CNTNAP2: variants seen among roughly 807,000 people sequenced by gnomAD.
The protein encoded by CNTNAP2 is contactin associated protein 2, also known as contactin-associated protein-like 2.
A neutral mutation model predicts 155.2 loss-of-function variants in CNTNAP2; 98 were observed. The observed-to-expected ratio is 0.63, with a 90% CI of 0.54 to 0.75. The LOEUF is 0.75. CNTNAP2 is among the 30% of genes least tolerant of loss of function. The pLI is 0.00. For missense variants in CNTNAP2, 1,727 were observed against 1,688.1 expected, an observed-to-expected ratio of 1.02 and a Z score of -0.40; for synonymous variants, 651 against 631.2, an observed-to-expected ratio of 1.03 and a Z score of -0.47.
chr7:146,252,888 TGA>T (rs1441444066), intron 1 of CNTNAP2, among the ~76,000 whole-genome samples: 1 of 110,838 alleles, frequency 9.0e-6, no homozygotes, highest in African/African-American at 8.3e-5. Context: ...CTCATCGTAA[TGA>T]TAATAATGAG....
chr7:147,864,789 T>G (rs1799198944), intron 13 of CNTNAP2, among the ~76,000 whole-genome samples: 1 of 152,216 alleles, frequency 6.6e-6, no homozygotes, highest in African/African-American at 2.4e-5. Context: ...ATCCTGAGAC[T>G]TTGCTGAAGT....
At chr7:147,863,864 C>T (rs1300017260) in intron 13 of CNTNAP2, among the ~76,000 whole-genome samples, 1 of 151,860 alleles carries the variant, frequency 6.6e-6, no homozygotes, top group Admixed American at 6.6e-5. Flanking sequence ...AAATTTTCTC[C>T]CATTCTGTAG....
intron 4 of CNTNAP2, among the ~76,000 whole-genome samples, chr7:147,069,632 A>G (rs1158638938): frequency 6.6e-6 from 1 of 152,218 alleles, no homozygotes; most frequent in Non-Finnish European, 1.5e-5. Context: ...TTTACGTAAC[A>G]TAGAGATTGA....
At chr7:147,626,339 A>T (rs1473657615) in intron 12 of CNTNAP2, among the ~76,000 whole-genome samples, 1 of 150,276 alleles carries the variant, frequency 6.7e-6, no homozygotes, top group Non-Finnish European at 1.5e-5. Flanking sequence ...TGCCAATTGC[A>T]TGGGGGGGTG....
chr7:148,236,868 C>A (rs1358628043), intron 20 of CNTNAP2, among the ~76,000 whole-genome samples: 1 of 152,136 alleles, frequency 6.6e-6, no homozygotes, highest in Non-Finnish European at 1.5e-5. Flanking sequence ...TTTCAAACAA[C>A]CAGATCTCAT....
At chr7:147,104,781 A>G (rs916524438) in intron 4 of CNTNAP2, among the ~76,000 whole-genome samples, 26 of 149,026 alleles carry the variant, frequency 1.7e-4, no homozygotes, top group African/African-American at 6.1e-4. Context: ...CCCCAAACTC[A>G]AATTATTAGT....
At chr7:146,946,318 A>T (rs1040847092) in intron 3 of CNTNAP2, among the ~76,000 whole-genome samples, 2 of 152,198 alleles carry the variant, frequency 1.3e-5, no homozygotes, top group Non-Finnish European at 2.9e-5. Flanking sequence ...TTTTAAAAGC[A>T]TAGAAATAAA....
At chr7:146,637,946 C>G (rs1208279206) in intron 1 of CNTNAP2, among the ~76,000 whole-genome samples, 1 of 152,128 alleles carries the variant, frequency 6.6e-6, no homozygotes, top group Non-Finnish European at 1.5e-5. Context: ...TTCTATATAA[C>G]ATCCATATAT....
chr7:148,325,039 A>T (rs1327729002), intron 21 of CNTNAP2, among the ~76,000 whole-genome samples: 1 of 152,234 alleles, frequency 6.6e-6, no homozygotes, highest in Non-Finnish European at 1.5e-5. Flanking sequence ...CTGATTAATT[A>T]CCTCGGTTTA....
rs561576956 is a variant in CNTNAP2 at position 146,971,209 on chromosome 7, A to T, written c.403-72698A>T. 1.6e-3 allele frequency among the ~76,000 whole-genome samples: 97 copies of T among 61,826 alleles called. 1 individual carries two copies. The highest frequency in any genetic ancestry group is 3.4e-3 in the East Asian group (16 of 4,724). The allele number at this position is 61,826 out of a possible 152,430, so 40.6% of individuals were successfully genotyped here. On this transcript the variant is annotated intron_variant, in intron 3 of 23. Coordinates refer to ENST00000361727, the MANE Select transcript of CNTNAP2 (RefSeq NM_014141.6). ...GTACCCTAAAACTTAAAGTATAATT[A>T]AAAAAAAAGTTAATACTAAAGAAAG...
intron 10 of CNTNAP2, among the ~76,000 whole-genome samples, chr7:147,441,575 G>C (rs1312004142): frequency 6.6e-6 from 1 of 152,064 alleles, no homozygotes; most frequent in African/African-American, 2.4e-5. Context: ...AGTTTTTGCA[G>C]TATTGGCTTG....
intron 1 of CNTNAP2, among the ~76,000 whole-genome samples, chr7:146,761,691 CTT>C: frequency 6.6e-6 from 1 of 151,346 alleles, no homozygotes; most frequent in East Asian, 1.9e-4. Flanking sequence ...TAAAACTGTC[CTT>C]ACCCCTTCAG....
intron 3 of CNTNAP2, among the ~76,000 whole-genome samples, chr7:146,868,463 C>T (rs1795245463): frequency 6.6e-6 from 1 of 151,982 alleles, no homozygotes; most frequent in African/African-American, 2.4e-5. Flanking sequence ...GGCCTCCAGC[C>T]TTATTCTTTT....
intron 21 of CNTNAP2, among the ~76,000 whole-genome samples, chr7:148,375,137 T>A (rs1432206189): frequency 6.6e-6 from 1 of 152,052 alleles, no homozygotes; most frequent in Non-Finnish European, 1.5e-5. Flanking sequence ...TCCAAATGTC[T>A]GGTGTTTGGG....
chr7:148,348,638 T>C (rs1626609), intron 21 of CNTNAP2, among the ~76,000 whole-genome samples: 1 of 152,132 alleles, frequency 6.6e-6, no homozygotes, highest in Non-Finnish European at 1.5e-5. Context: ...CCAAAGCGGC[T>C]CAGGCACACG....
intron 4 of CNTNAP2, among the ~76,000 whole-genome samples, chr7:147,106,013 G>A (rs1217763591): frequency 6.6e-6 from 1 of 151,920 alleles, no homozygotes; most frequent in East Asian, 1.9e-4. Context: ...ATTAACATTT[G>A]CGTAAATCAT....
At chr7:146,658,755 C>T (rs1800035630) in intron 1 of CNTNAP2, among the ~76,000 whole-genome samples, 2 of 152,124 alleles carry the variant, frequency 1.3e-5, no homozygotes, top group African/African-American at 2.4e-5. Context: ...AGTGTGTGGA[C>T]ACAGAAAACT....
chr7:147,068,016 G>C (rs1338470167), intron 4 of CNTNAP2, among the ~76,000 whole-genome samples: 1 of 152,216 alleles, frequency 6.6e-6, no homozygotes, highest in Non-Finnish European at 1.5e-5. Flanking sequence ...GGCTTCTTGT[G>C]CAAGCTCGAA....
At chr7:148,163,140 T>C (rs896813874) in intron 17 of CNTNAP2, among the ~76,000 whole-genome samples, 1 of 152,216 alleles carries the variant, frequency 6.6e-6, no homozygotes, top group Non-Finnish European at 1.5e-5. Flanking sequence ...AAGTGCCTTA[T>C]ATGATGTAAG....
Sources: gnomAD v4.1 joint callset for allele counts (sites outside exome capture counted in the v4.1 genomes callset) on GRCh38, gnomAD v4.1.1 for gene constraint, MANE v1.5 for transcripts, NCBI Gene and HGNC (gene_info 2026-07-23, HGNC 2026-07-21) for gene names.